Variants in POLR2F observed in about 807,000 individuals in gnomAD.
POLR2F encodes the protein DNA-directed RNA polymerases I, II, and III subunit RPABC2.
POLR2F carries 12 observed loss-of-function variants against 22.7 expected under a neutral mutation model. The ratio of observed to expected loss-of-function variants is 0.53; its 90% CI spans 0.34 to 0.86. The LOEUF (loss-of-function observed/expected upper bound fraction) is 0.86. Among genes scored for constraint, POLR2F ranks in the 40% least tolerant of loss-of-function variants. The pLI, the probability that POLR2F is intolerant of heterozygous loss-of-function variation, is 0.02. For synonymous variants in POLR2F, 57 were observed against 66.0 expected (o/e 0.86, Z 0.66); for missense variants, 126 against 171.5 (o/e 0.73, Z 1.48).
At chr22:38,021,870 G>A (rs1051737563) in intron 1 of POLR2F, among the ~76,000 whole-genome samples, 4 of 151,152 alleles carry the variant, frequency 2.6e-5, no homozygotes, top group East Asian at 1.9e-4. Flanking sequence ...AGTAGCTCAC[G>A]TCTGTAATCC....
At position 37,968,931 on chromosome 22, in the gene POLR2F, C is replaced by T; in HGVS notation, c.*1216C>T. 1 of 985,438 alleles carries T rather than the reference C, an allele frequency of 1.0e-6. No homozygotes were observed. The highest frequency in any genetic ancestry group is 1.2e-6 in the Non-Finnish European group (1 of 829,934). The allele number at this position is 985,438 out of a possible 1,614,324, so 61.0% of individuals were successfully genotyped here. A position where few individuals can be genotyped will look rare whatever the true frequency, so the allele number is the denominator to read the frequency against. ...GAGCAGTGGACTTCACACTCCCATC[C>T]ACCCTCCTCCAAGCCTGTGGAATCC... On this transcript the variant is annotated 3_prime_UTR_variant, in exon 5 of 5. Coordinates refer to ENST00000442738, the MANE Select transcript of POLR2F (RefSeq NM_021974.5).
intron 5 of POLR2F, among the ~76,000 whole-genome samples, chr22:38,033,902 A>T (rs1045709522): frequency 6.6e-6 from 1 of 152,070 alleles, no homozygotes; most frequent in African/African-American, 2.4e-5. Context: ...CTCATGACCC[A>T]TGCTGACTCT....
At chr22:38,033,614 T>A (rs987702293) in intron 5 of POLR2F, among the ~76,000 whole-genome samples, 8 of 151,996 alleles carry the variant, frequency 5.3e-5, no homozygotes, top group Non-Finnish European at 1.2e-4. Flanking sequence ...CCCAGTGCAG[T>A]GGGGGTTGGG....
intron 5 of POLR2F, among the ~76,000 whole-genome samples, chr22:38,034,509 A>T (rs1354246527): frequency 6.6e-6 from 1 of 152,196 alleles, no homozygotes; most frequent in Non-Finnish European, 1.5e-5. Flanking sequence ...AAGGAGACCG[A>T]AGTGCCCAGC....
downstream of POLR2F, among the ~76,000 whole-genome samples, chr22:37,970,331 G>A (rs953652032): frequency 2.0e-5 from 3 of 150,426 alleles, no homozygotes; most frequent in Non-Finnish European, 4.4e-5. Flanking sequence ...GGCCAGGTGC[G>A]GTGGCTTACG....
chr22:37,973,431 A>G, downstream of POLR2F: 2 of 1,105,494 alleles, frequency 1.8e-6, no homozygotes, highest in South Asian at 3.1e-5. Context: ...TGAGGTGGGC[A>G]AGGAACAGGG....
intron 1 of POLR2F, among the ~76,000 whole-genome samples, chr22:38,009,270 A>G (rs1360264810): frequency 1.4e-4 from 21 of 152,172 alleles, no homozygotes; most frequent in Non-Finnish European, 1.5e-5. Flanking sequence ...CAGAGCAGAG[A>G]TGTGCCCTGA....
In POLR2F at chr22:38,011,784, CA is replaced by C. The variant is rs796601361; in HGVS notation, c.121-14078del. On this transcript the variant is annotated intron_variant, in intron 1 of 2. Transcript: ENST00000333418. ...TTCAAAATCAGCTTGTTAATTTCTT[CA>C]AAAAAAGCTTGCTGGCATTTTTTTT... 2.0e-5 allele frequency among the ~76,000 whole-genome samples: 3 copies of C among 151,214 alleles called. No individual in the cohort carries two copies. In the East Asian group the frequency reaches 5.8e-4, roughly 29 times the overall value.
At chr22:37,999,708 T>G (rs1176273723) in intron 1 of POLR2F, among the ~76,000 whole-genome samples, 1 of 152,094 alleles carries the variant, frequency 6.6e-6, no homozygotes, top group Non-Finnish European at 1.5e-5. Context: ...GGTGCCCCAC[T>G]CCTTGGCCCT....
At chr22:38,038,549 C>T (rs1045107318) in intron 5 of POLR2F, among the ~76,000 whole-genome samples, 5 of 152,280 alleles carry the variant, frequency 3.3e-5, no homozygotes, top group African/African-American at 7.2e-5. Flanking sequence ...CCCCACCTTC[C>T]GCCGTGGCCT....
chr22:38,013,513 G>T (rs569621445), intron 1 of POLR2F, among the ~76,000 whole-genome samples: 1 of 152,290 alleles, frequency 6.6e-6, no homozygotes, highest in East Asian at 1.9e-4. Context: ...TTACCTATCT[G>T]TTCAAACTCT....
intron 1 of POLR2F, among the ~76,000 whole-genome samples, chr22:38,001,281 G>C (rs1217210849): frequency 6.6e-6 from 1 of 152,216 alleles, no homozygotes; most frequent in African/African-American, 2.4e-5. Flanking sequence ...GCTCTCGACC[G>C]TGCCTGCTGG....
chr22:37,996,924 A>G (rs1415280973), intron 1 of POLR2F, among the ~76,000 whole-genome samples: 1 of 152,112 alleles, frequency 6.6e-6, no homozygotes, highest in Non-Finnish European at 1.5e-5. Context: ...ACTGCCATAG[A>G]TGGTCTAAGG....
intron 2 of POLR2F, 92 bp downstream of exon 2, chr22:37,956,934 T>C: frequency 9.8e-7 from 1 of 1,018,000 alleles, no homozygotes; most frequent in Non-Finnish European, 1.6e-6. Flanking sequence ...TGCCTTCTAT[T>C]TGTGGTCAAG....
At chr22:38,041,553 A>C (rs1416951760), downstream of POLR2F, 1 of 163,068 alleles carries the variant, frequency 6.1e-6, no homozygotes, top group Non-Finnish European at 1.3e-5. Context: ...TACAGACCTC[A>C]TCCTGCATCC....
chr22:37,956,565 T>G (rs1601862371), intron 1 of POLR2F, among the ~76,000 whole-genome samples: 1 of 151,752 alleles, frequency 6.6e-6, no homozygotes, highest in East Asian at 1.9e-4. Flanking sequence ...TACAGACATG[T>G]GCCACCATGC....
intron 1 of POLR2F, among the ~76,000 whole-genome samples, chr22:38,008,692 G>A (rs1417860462): frequency 3.3e-5 from 5 of 151,780 alleles, no homozygotes; most frequent in African/African-American, 4.8e-5. Context: ...GCCACATGGC[G>A]AGATCCCGTC....
At position 38,001,517 on chromosome 22, in the gene POLR2F, G is replaced by T. The variant is rs116995300; in HGVS notation, c.120+15205G>T. ...AGACAGTGAATGCCTGACATTGGAG[G>T]CTCCTGGACTATAGAGTTGCTTTGT... On this transcript the variant is annotated intron_variant, in intron 1 of 2. Coordinates refer to the POLR2F transcript ENST00000333418. Among the ~76,000 whole-genome samples, 29 of 152,194 alleles carry T rather than the reference G, an allele frequency of 1.9e-4. No individual in the cohort carries two copies. In the East Asian group the frequency reaches 5.6e-3, roughly 29 times the overall value.
intron 3 of POLR2F, 129 bp downstream of exon 3, chr22:37,959,605 C>A: frequency 1.9e-6 from 2 of 1,041,374 alleles, no homozygotes; most frequent in Middle Eastern, 3.0e-4. Context: ...TGGTGCCGTC[C>A]CTGCGTACCA....
Sources: gnomAD v4.1 joint callset for allele counts (sites outside exome capture counted in the v4.1 genomes callset) on GRCh38, gnomAD v4.1.1 for gene constraint, MANE v1.5 for transcripts, NCBI Gene and HGNC (gene_info 2026-07-23, HGNC 2026-07-21) for gene names.